PPRC1: variants seen among roughly 807,000 people sequenced by gnomAD.
PPRC1 encodes peroxisome proliferator-activated receptor gamma coactivator-related protein 1.
PPRC1 carries 23 observed loss-of-function variants against 132.5 expected under a neutral mutation model. That is an observed-to-expected ratio of 0.17 (90% CI 0.12 to 0.25). PPRC1 has a LOEUF of 0.25. Among genes scored for constraint, PPRC1 ranks in the 10% least tolerant of loss-of-function variants. The pLI is 1.00. For synonymous variants in PPRC1, 872 were observed against 833.5 expected, an observed-to-expected ratio of 1.05 and a Z score of -0.80; for missense variants, 2,006 against 2,089.1, an observed-to-expected ratio of 0.96 and a Z score of 0.78.
At chr10:102,127,053 AT>A in the PPRC1 span, among the ~76,000 whole-genome samples, 186 of 59,214 alleles carry the variant, frequency 3.1e-3, 5 homozygotes, top group Admixed American at 0.017. Flanking sequence ...ATATATATAT[AT>A]ATATATATAT....
rs373630569 is a variant in PPRC1 at position 102,146,967 on chromosome 10, C to T, written c.3975C>T (p.Arg1325=). The part of the protein sequence containing the change: ...PEVGSRWNVK[R]HQDITIKPVL... ...TGGGCTCCCGATGGAATGTCAAGCG[C>T]CATCAGGACATCACCATCAAACCTG... is the stretch of plus-strand genomic sequence containing the variant. Residue 1325 remains arginine, a synonymous_variant, in exon 9 of 14, where the codon CGC becomes CGT. Coordinates refer to ENST00000278070, the MANE Select transcript of PPRC1 (RefSeq NM_015062.5). 44 of 1,614,058 alleles carry T rather than the reference C, an allele frequency of 2.7e-5. No homozygotes were observed. Among genetic ancestry groups the T allele is most frequent in the Non-Finnish European group, 3.6e-5 (42 of 1,180,020 alleles).
Position 102,148,498 on chromosome 10 carries a change from C to T in PPRC1, c.4527C>T (p.Arg1509=). The T allele has an allele frequency of 6.2e-7, 1 of 1,613,560 alleles. No homozygotes were observed. The highest frequency in any genetic ancestry group is 8.5e-7 in the Non-Finnish European group (1 of 1,179,450). The stretch of plus-strand genomic sequence containing the variant: ...GCCGCTCACGATCCCCATCCCCCCG[C>T]CGGAGAAGTGACAGGAGGCGGCGGT... ...SRSRSRSPSP[R]RRSDRRRRYS... The change falls in exon 10 of 14, where the codon CGC becomes CGT. Residue 1509 remains arginine (R), a synonymous_variant. Transcript: ENST00000278070. The surrounding 1 kb of genome is among the most constrained non-coding windows in gnomAD (Gnocchi z 4.2).
upstream of PPRC1, chr10:102,133,008 A>C (rs928683276): frequency 8.1e-7 from 1 of 1,235,992 alleles, no homozygotes; most frequent in Non-Finnish European, 1.0e-6. Flanking sequence ...TTCCTTTCCC[A>C]CAATCGGCTG....
upstream of PPRC1, among the ~76,000 whole-genome samples, chr10:102,131,849 G>C (rs1025589522): frequency 2.6e-5 from 4 of 152,070 alleles, no homozygotes; most frequent in Non-Finnish European, 5.9e-5. Flanking sequence ...GTAGAGGTGG[G>C]GTTTTGCCAT....
chr10:102,126,701 C>T, the PPRC1 span, among the ~76,000 whole-genome samples: 6 of 151,826 alleles, frequency 4.0e-5, no homozygotes, highest in African/African-American at 1.2e-4. Flanking sequence ...TCAGGTGATC[C>T]GCCTGCCTCG....
At position 102,140,341 on chromosome 10, in the gene PPRC1, G is replaced by A; in HGVS notation, c.1833G>A (p.Leu611=). 2 of 1,614,184 alleles carry A rather than the reference G, an allele frequency of 1.2e-6. No homozygotes were observed. Among genetic ancestry groups the A allele is most frequent in the African/African-American group, 1.3e-5 (1 of 75,046 alleles). The change falls in exon 5 of 14, where the codon TTG becomes TTA. Residue 611 remains leucine (L), a synonymous_variant. Transcript: ENST00000278070. ...GCCCTGTACCTGTTGACCCTGGGTT[G>A]GTTGACCTTGCTTCAACCAGCTCAG... ...LAGPVPVDPG[L]VDLASTSSEL... is the part of the protein sequence containing the mutation.
At chr10:102,122,562 C>A in the PPRC1 span, among the ~76,000 whole-genome samples, 3 of 150,778 alleles carry the variant, frequency 2.0e-5, no homozygotes, top group Non-Finnish European at 4.4e-5. Context: ...GAATACCTAC[C>A]TTGACCTCCT....
the PPRC1 span, among the ~76,000 whole-genome samples, chr10:102,125,972 C>T: frequency 6.6e-6 from 1 of 151,932 alleles, no homozygotes; most frequent in Non-Finnish European, 1.5e-5. Context: ...AAGCAATTCT[C>T]CTGCCTCAGC....
chr10:102,132,339 G>A (rs564635785), upstream of PPRC1, among the ~76,000 whole-genome samples: 57 of 152,366 alleles, frequency 3.7e-4, no homozygotes, highest in Admixed American at 1.4e-3. Flanking sequence ...TAGAAACGCA[G>A]AGCGGGATCC....
Position 102,137,994 on chromosome 10 carries a change from G to A in PPRC1, c.298G>A (p.Ala100Thr). The A allele has an allele frequency of 7.4e-6, 12 of 1,614,090 alleles. No homozygotes were observed. The highest frequency in any genetic ancestry group is 1.0e-5 in the Non-Finnish European group (12 of 1,179,988). ...GGGGACCATGCAGAGCTACATGGATGCCTCCCTTATCTCCCTCATTGAGGA... is the reference window on the plus strand; with the variant it reads ...GGGGACCATGCAGAGCTACATGGATACCTCCCTTATCTCCCTCATTGAGGA... ...LLGTMQSYMD[A>T]SLISLIEDFG... Residue 100 changes from alanine (A) to threonine (T), a missense_variant, in exon 2 of 14, where the codon GCC becomes ACC. Ala to Thr is a moderately conservative substitution (Grantham distance 58, BLOSUM62 0). Coordinates refer to ENST00000278070, the MANE Select transcript of PPRC1 (RefSeq NM_015062.5).
At chr10:102,142,852 G>T (rs2069056545) in intron 5 of PPRC1, 193 bp from the exon 6 acceptor site, 6 of 480,732 alleles carry the variant, frequency 1.2e-5, no homozygotes, top group African/African-American at 7.7e-5. Context: ...GTGCCTGGCT[G>T]TGGAGGGTTC....
rs1398742368 is a variant in PPRC1 at position 102,141,178 on chromosome 10, C to T, written c.2670C>T (p.Pro890=). 1.9e-6 allele frequency: 3 copies of T among 1,614,048 alleles called. No individual in the cohort carries two copies. Among genetic ancestry groups the T allele is most frequent in the Non-Finnish European group, 1.7e-6 (2 of 1,179,980 alleles). The change falls in exon 5 of 14, where the codon CCC becomes CCT. Residue 890 remains proline (P), a synonymous_variant. Coordinates refer to ENST00000278070, the MANE Select transcript of PPRC1 (RefSeq NM_015062.5). ...PFPAGGLGMP[P]SLPPPPLQPP... is the part of the protein sequence containing the mutation. ...CTGCAGGTGGGCTTGGCATGCCCCC[C>T]AGTCTGCCCCCACCTCCCTTGCAGC...
chr10:102,150,057 T>C lies in PPRC1; in HGVS notation c.*28T>C, dbSNP rs2069443102. The stretch of plus-strand genomic sequence containing the variant: ...TTGGGCCCTTCCCTGCTATCCTTTT[T>C]CTCCTTTGGAGGTGCCCAACCTCCT... On this transcript the variant is annotated 3_prime_UTR_variant, in exon 14 of 14. Coordinates refer to ENST00000278070, the MANE Select transcript of PPRC1 (RefSeq NM_015062.5). 1 of 1,568,994 alleles carries C rather than the reference T, an allele frequency of 6.4e-7. No individual in the cohort carries two copies. Among genetic ancestry groups the C allele is most frequent in the Non-Finnish European group, 8.8e-7 (1 of 1,139,110 alleles).
Position 102,146,520 on chromosome 10 carries a change from G to T in PPRC1, c.3680-152G>T, listed in dbSNP as rs536791980. 37 of 1,092,922 alleles carry T rather than the reference G, an allele frequency of 3.4e-5. 1 individual carries two copies. The South Asian group carries it at 5.7e-4, about 17-fold the overall frequency. The allele number at this position is 1,092,922 out of a possible 1,614,324, so 67.7% of individuals were successfully genotyped here. A position where few individuals can be genotyped will look rare whatever the true frequency, so the allele number is the denominator to read the frequency against. On this transcript the variant is annotated intron_variant, in intron 8 of 13. Coordinates refer to ENST00000278070, the MANE Select transcript of PPRC1 (RefSeq NM_015062.5). ...CCCAAGTTGGGGAACATGGGGAAGG[G>T]GCAGTTGAAGCAGTGGGAAAAGTTG...
intron 1 of PPRC1, among the ~76,000 whole-genome samples, chr10:102,134,733 A>C: frequency 6.6e-6 from 1 of 152,178 alleles, no homozygotes; most frequent in East Asian, 1.9e-4. Flanking sequence ...TCTAGGCCAG[A>C]ATCTCAAGGC....
At chr10:102,144,110 T>C in intron 6 of PPRC1, 140 bp from the exon 7 acceptor site, 2 of 787,410 alleles carry the variant, frequency 2.5e-6, no homozygotes, top group South Asian at 1.4e-5. Flanking sequence ...TGGAGGAGAC[T>C]AGATCTCTTT....
At chr10:102,128,900 C>T (rs561050506), upstream of PPRC1, among the ~76,000 whole-genome samples, 27 of 148,114 alleles carry the variant, frequency 1.8e-4, no homozygotes, top group East Asian at 5.2e-3. Flanking sequence ...AGGCCTGAGC[C>T]ACCATGCCCG....
chr10:102,134,434 G>A (rs868170313), intron 1 of PPRC1, among the ~76,000 whole-genome samples: 8 of 152,228 alleles, frequency 5.3e-5, no homozygotes, highest in Middle Eastern at 3.4e-3. Flanking sequence ...TACAGTGGAG[G>A]GCTTCTTAAA....
At chr10:102,143,180 G>A in intron 6 of PPRC1, 82 bp downstream of exon 6, 1 of 1,323,912 alleles carries the variant, frequency 7.6e-7, no homozygotes, top group Non-Finnish European at 1.1e-6. Context: ...GCTTAAACTA[G>A]GGTGAGAGGG....
Sources: gnomAD v4.1 joint callset for allele counts (sites outside exome capture counted in the v4.1 genomes callset) on GRCh38, gnomAD v4.1.1 for gene constraint, Gnocchi (gnomAD v3.1) non-coding constraint, MANE v1.5 for transcripts, NCBI Gene and HGNC (gene_info 2026-07-23, HGNC 2026-07-21) for gene names.